LRIF1: variants seen among roughly 807,000 people sequenced by gnomAD.
The protein encoded by LRIF1 is ligand-dependent nuclear receptor-interacting factor 1.
Under a neutral mutation model 52.7 loss-of-function variants are expected in LRIF1, and 32 were observed. The observed-to-expected ratio is 0.61, with a 90% CI of 0.46 to 0.82. The LOEUF is 0.82. Ranked by LOEUF, LRIF1 falls within the 40% of genes least tolerant of loss-of-function variation. LRIF1 has a pLI of 0.00. For synonymous variants in LRIF1, 323 were observed against 317.4 expected, an observed-to-expected ratio of 1.02 and a Z score of -0.19; for missense variants, 887 against 892.0, an observed-to-expected ratio of 0.99 and a Z score of 0.07.
the LRIF1 span, among the ~76,000 whole-genome samples, chr1:110,908,995 C>T: frequency 6.6e-6 from 1 of 152,008 alleles, no homozygotes; most frequent in African/African-American, 2.4e-5. Context: ...AGAGAAGGGG[C>T]AGGTCATGTA....
At position 110,948,194 on chromosome 1, in the gene LRIF1, C is replaced by A. The variant is rs1456253527; in HGVS notation, c.2075G>T (p.Arg692Ile). 1.9e-6 allele frequency: 3 copies of A among 1,614,026 alleles called. No homozygotes were observed. The highest frequency in any genetic ancestry group is 2.2e-5 in the East Asian group (1 of 44,864). Reference protein sequence around the residue: ...TSHSKTRQEKRTEMEYYTHEK... With the variant: ...TSHSKTRQEKITEMEYYTHEK... ...ATGGGTATAGTATTCCATCTCAGTT[C>A]TCTTTTCTTGTCTGGTTTTGCTGTG... The change falls in exon 4 of 4, where the codon AGA becomes ATA. Residue 692 changes from arginine (R) to isoleucine (I), a missense_variant. Coordinates refer to ENST00000369763, the MANE Select transcript of LRIF1 (RefSeq NM_018372.4).
intron 3 of LRIF1, among the ~76,000 whole-genome samples, chr1:110,949,578 C>A (rs1307641294): frequency 2.0e-5 from 3 of 151,690 alleles, no homozygotes; most frequent in African/African-American, 7.3e-5. Context: ...CACCACCAGG[C>A]CCAGCTAATT....
At chr1:110,927,738 C>G in the LRIF1 span, among the ~76,000 whole-genome samples, 1 of 152,074 alleles carries the variant, frequency 6.6e-6, no homozygotes, top group African/African-American at 2.4e-5. Context: ...TTGCAGCCCA[C>G]CCTAACTAGA....
In LRIF1 at chr1:110,948,166, C is replaced by T; in HGVS notation, c.2103G>A (p.Glu701=). ...AATTCAAAGTGCCTTTCTCTTGCTTCTCATGGGTATAGTATTCCATCTCAG... is the reference window on the plus strand; with the variant it reads ...AATTCAAAGTGCCTTTCTCTTGCTTTTCATGGGTATAGTATTCCATCTCAG... ...KRTEMEYYTH[E]KQEKGTLNSN... Residue 701 remains glutamate, a synonymous_variant, in exon 4 of 4, where the codon GAG becomes GAA. Transcript: ENST00000369763. 2 of 1,614,072 alleles carry T rather than the reference C, an allele frequency of 1.2e-6. No individual in the cohort carries two copies. Among genetic ancestry groups the T allele is most frequent in the East Asian group, 2.2e-5 (1 of 44,870 alleles).
At chr1:110,896,811 G>A in the LRIF1 span, 11 of 1,229,622 alleles carry the variant, frequency 8.9e-6, no homozygotes, top group African/African-American at 1.5e-5. Flanking sequence ...CAGTCATAGA[G>A]GACCTAGACC....
At chr1:110,911,166 G>A in the LRIF1 span, among the ~76,000 whole-genome samples, 30,862 of 151,264 alleles carry the variant, frequency 0.2, 3,389 homozygotes, top group Middle Eastern at 0.31. Context: ...TAAAGTTTAT[G>A]CTACCCTCAA....
At chr1:110,939,614 C>G in the LRIF1 span, 12 of 152,222 alleles carry the variant, frequency 7.9e-5, no homozygotes, top group South Asian at 2.1e-4. Flanking sequence ...ATAACCAAAA[C>G]AGCATGGCAT....
In LRIF1 at chr1:110,947,859, C is replaced by T. The variant is rs1169228680; in HGVS notation, c.*100G>A. 14 of 1,449,896 alleles carry T rather than the reference C, an allele frequency of 9.7e-6. No individual in the cohort carries two copies. The highest frequency in any genetic ancestry group is 1.3e-5 in the Non-Finnish European group (14 of 1,095,200). 89.8% of individuals were successfully genotyped at this position (1,449,896 alleles called of 1,614,324 possible). On this transcript the variant is annotated 3_prime_UTR_variant, in exon 4 of 4. Transcript: ENST00000369763. Reference sequence around the variant, plus strand: ...AATCGACTGATGAAAAAACAAGCTTCATATTCAAAGACACTTTCAGAACAC... The same window carrying T: ...AATCGACTGATGAAAAAACAAGCTTTATATTCAAAGACACTTTCAGAACAC...
intron 1 of LRIF1, among the ~76,000 whole-genome samples, chr1:110,954,429 C>A (rs764528651): frequency 6.6e-5 from 10 of 152,056 alleles, no homozygotes; most frequent in African/African-American, 2.4e-4. Context: ...CACAGATGCA[C>A]GCCACCAAAC....
chr1:110,921,456 T>A, the LRIF1 span, among the ~76,000 whole-genome samples: 4 of 152,090 alleles, frequency 2.6e-5, no homozygotes, highest in East Asian at 7.7e-4. Flanking sequence ...CAATTAAAGG[T>A]CCAACTTTTT....
At chr1:110,892,540 C>G in the LRIF1 span, 2 of 1,608,944 alleles carry the variant, frequency 1.2e-6, no homozygotes, top group Admixed American at 3.3e-5. Context: ...GTCGGTGAGT[C>G]CTTACAGCAG....
At position 110,947,443 on chromosome 1, in the gene LRIF1, A is replaced by G. The variant is rs1040204620; in HGVS notation, c.*516T>C. The G allele has an allele frequency of 2.0e-5, 3 of 152,328 alleles. No individual in the cohort carries two copies. Among genetic ancestry groups the G allele is most frequent in the African/African-American group, 7.2e-5 (3 of 41,456 alleles). 9.4% of individuals were successfully genotyped at this position (152,328 alleles called of 1,614,324 possible). On this transcript the variant is annotated 3_prime_UTR_variant, in exon 4 of 4. Transcript: ENST00000369763. ...GTTTGAATGTTTAAATAATGTTGCCATAATACATATTATTTCACGACATTA... is the reference window on the plus strand; with the variant it reads ...GTTTGAATGTTTAAATAATGTTGCCGTAATACATATTATTTCACGACATTA...
chr1:110,915,316 T>G, the LRIF1 span, among the ~76,000 whole-genome samples: 1 of 151,296 alleles, frequency 6.6e-6, no homozygotes, highest in African/African-American at 2.4e-5. Flanking sequence ...AAACCCCATC[T>G]CTACTAAATA....
At chr1:110,907,637 A>G in the LRIF1 span, among the ~76,000 whole-genome samples, 8 of 152,200 alleles carry the variant, frequency 5.3e-5, no homozygotes, top group Admixed American at 3.3e-4. Context: ...CAGGAGGCTG[A>G]AGCAGAGAAT....
At chr1:110,892,534 G>A in the LRIF1 span, 1 of 1,612,524 alleles carries the variant, frequency 6.2e-7, no homozygotes, top group East Asian at 2.2e-5. Flanking sequence ...GCTTATGTCG[G>A]TGAGTCCTTA....
chr1:110,886,871 T>TATATATATATATATATATATATA, the LRIF1 span, among the ~76,000 whole-genome samples: 1 of 76,078 alleles, frequency 1.3e-5, no homozygotes, highest in African/African-American at 3.6e-5. Flanking sequence ...ATATATATAT[T>TATATATATATATATATATATATA]TTTTTTTTCT....
chr1:110,943,285 TTAAG>T (rs575946854), downstream of LRIF1, among the ~76,000 whole-genome samples: 51 of 152,282 alleles, frequency 3.3e-4, no homozygotes, highest in South Asian at 3.1e-3. Flanking sequence ...CAGAATAAAG[TTAAG>T]TAAGAGACCA....
chr1:110,926,234 T>A, the LRIF1 span, among the ~76,000 whole-genome samples: 1 of 152,012 alleles, frequency 6.6e-6, no homozygotes, highest in Non-Finnish European at 1.5e-5. Flanking sequence ...ATCTATCAAA[T>A]ATAAAGACAT....
downstream of LRIF1, chr1:110,943,525 G>T (rs982481479): frequency 6.6e-6 from 1 of 152,040 alleles, no homozygotes; most frequent in Non-Finnish European, 1.5e-5. Flanking sequence ...TGATTACTAC[G>T]TGTCAGGTAC....
Sources: gnomAD v4.1 joint callset for allele counts (sites outside exome capture counted in the v4.1 genomes callset) on GRCh38, gnomAD v4.1.1 for gene constraint, MANE v1.5 for transcripts, NCBI Gene and HGNC (gene_info 2026-07-23, HGNC 2026-07-21) for gene names.